Variants in SND1 observed in about 807,000 individuals in gnomAD.
The protein encoded by SND1 is staphylococcal nuclease and tudor domain containing 1.
A neutral mutation model predicts 121.7 loss-of-function variants in SND1; 38 were observed. The ratio of observed to expected loss-of-function variants is 0.31; its 90% confidence interval spans 0.24 to 0.41. The LOEUF (loss-of-function observed/expected upper bound fraction) is 0.41. SND1 is among the 10% of genes least tolerant of loss of function. The pLI is 1.00. For missense variants in SND1, 868 were observed against 1,184.6 expected (o/e 0.73, Z 3.92); for synonymous variants, 401 against 447.4 (o/e 0.90, Z 1.31).
chr7:128,037,915 T>G (rs1247349974), intron 16 of SND1, among the ~76,000 whole-genome samples: 2 of 152,248 alleles, frequency 1.3e-5, no homozygotes, highest in Admixed American at 6.5e-5. Flanking sequence ...CACTTAAGCG[T>G]TTACCAGTAG....
chr7:127,835,645 T>C lies in SND1; in HGVS notation c.1243-8679T>C, dbSNP rs191211472. On this transcript the variant is annotated intron_variant, in intron 11 of 23. Coordinates refer to ENST00000354725, the MANE Select transcript of SND1 (RefSeq NM_014390.4). Reference sequence around the variant, plus strand: ...GTGAGTTATGCCTGTGATAAAATAATGAGTAAGATAATGGAGCATTAGCAC... The same window carrying C: ...GTGAGTTATGCCTGTGATAAAATAACGAGTAAGATAATGGAGCATTAGCAC... Among the ~76,000 whole-genome samples, 79 of 148,724 alleles carry C rather than the reference T, an allele frequency of 5.3e-4. No individual in the cohort carries two copies. In the East Asian group the frequency reaches 0.011, roughly 21 times the overall value.
intron 15 of SND1, among the ~76,000 whole-genome samples, chr7:127,974,653 A>G (rs1051485739): frequency 6.6e-6 from 1 of 152,222 alleles, no homozygotes; most frequent in Non-Finnish European, 1.5e-5. Flanking sequence ...TGACTCAGGC[A>G]TGAACAGCTG....
chr7:127,656,426 G>A (rs144853709), intron 1 of SND1, among the ~76,000 whole-genome samples: 1 of 151,102 alleles, frequency 6.6e-6, no homozygotes, highest in Non-Finnish European at 1.5e-5. Flanking sequence ...GGGTTCAAGC[G>A]ATTCTCCTGC....
intron 15 of SND1, among the ~76,000 whole-genome samples, chr7:127,953,151 CGTGTGTGTGTGTGTGTGTGTGTGT>C (rs59825900): frequency 0.015 from 1,383 of 92,326 alleles, 24 homozygotes; most frequent in Admixed American, 0.038. Context: ...GTGACAAGAC[CGTGTGTGTGTGTGTGTGTGTGTGT>C]GTGTGTGTGT....
chr7:127,938,538 G>A (rs1267501730), intron 15 of SND1, among the ~76,000 whole-genome samples: 2 of 152,218 alleles, frequency 1.3e-5, no homozygotes, highest in Admixed American at 6.5e-5. Context: ...TTGAGTTTCC[G>A]AGAAGATCTG....
At chr7:127,751,291 T>C (rs184928757) in intron 10 of SND1, among the ~76,000 whole-genome samples, 24 of 152,292 alleles carry the variant, frequency 1.6e-4, no homozygotes, top group African/African-American at 5.5e-4. Context: ...TAGGGGGCTT[T>C]TGCAGATTTT....
rs138799870 is a variant in SND1, at chr7:128,074,579, C to T, written c.1857C>T (p.Ser619=). Residue 619 remains serine (S), a synonymous_variant, in exon 17 of 24, where the codon TCC becomes TCT. Transcript: ENST00000354725. ...GWLHIDGANL[S]VLLVEHALSK... Reference sequence around the variant, plus strand: ...TGCACATCGACGGTGCCAACCTGTCCGTCCTGCTGGTGGAGCACGCGCTCT... The same window carrying T: ...TGCACATCGACGGTGCCAACCTGTCTGTCCTGCTGGTGGAGCACGCGCTCT... 6.7e-4 allele frequency: 1,088 copies of T among 1,613,734 alleles called. 4 individuals are homozygous for T. Among genetic ancestry groups the T allele is most frequent in the Middle Eastern group, 2.0e-3 (12 of 6,062 alleles).
At chr7:127,820,208 A>G (rs565458380) in intron 11 of SND1, among the ~76,000 whole-genome samples, 43 of 152,276 alleles carry the variant, frequency 2.8e-4, no homozygotes, top group African/African-American at 8.7e-4. Context: ...GTGGTTCCCA[A>G]TGGTTTTCTC....
At chr7:127,999,717 CAG>C (rs1362467541) in intron 16 of SND1, 2 of 152,152 alleles carry the variant, frequency 1.3e-5, no homozygotes, top group African/African-American at 4.8e-5. Context: ...GTCCTTGAAA[CAG>C]AGCCTTGCCA....
chr7:128,033,107 G>C (rs558223650), intron 16 of SND1, among the ~76,000 whole-genome samples: 1 of 152,310 alleles, frequency 6.6e-6, no homozygotes, highest in East Asian at 1.9e-4. Flanking sequence ...CCTGCCCTGT[G>C]AGCTCGCCAG....
intron 16 of SND1, among the ~76,000 whole-genome samples, chr7:128,012,932 G>A (rs1051102881): frequency 1.3e-5 from 2 of 152,122 alleles, no homozygotes; most frequent in Non-Finnish European, 2.9e-5. Context: ...CCAAAGGTTC[G>A]CATGACACCC....
intron 10 of SND1, among the ~76,000 whole-genome samples, chr7:127,784,712 G>A (rs1395803602): frequency 1.3e-5 from 2 of 152,152 alleles, no homozygotes; most frequent in African/African-American, 2.4e-5. Flanking sequence ...TCTTGTGTAC[G>A]TAGTGAAAGT....
chr7:127,918,010 TTTA>T (rs1301167961), intron 14 of SND1, among the ~76,000 whole-genome samples: 1 of 152,148 alleles, frequency 6.6e-6, no homozygotes, highest in Non-Finnish European at 1.5e-5. Flanking sequence ...CCTTTAATAA[TTTA>T]CAAGTTTATC....
intron 10 of SND1, among the ~76,000 whole-genome samples, chr7:127,739,997 TC>T (rs1469538536): frequency 2.6e-5 from 4 of 152,186 alleles, no homozygotes; most frequent in Non-Finnish European, 5.9e-5. Flanking sequence ...TGTTCTCTTC[TC>T]CCCTTTCTTA....
Position 128,092,121 on chromosome 7 carries a change from G to A in SND1, c.*63G>A. ...CAGTCCCTCTTCCTCTGCCGGGAGG[G>A]TGTTTTCAACTCCAAACCCCAGAGA... On this transcript the variant is annotated 3_prime_UTR_variant, in exon 24 of 24. Coordinates refer to ENST00000354725, the MANE Select transcript of SND1 (RefSeq NM_014390.4). The surrounding 1 kb of genome is among the most constrained non-coding windows in gnomAD (Gnocchi z 4.9). The A allele has an allele frequency of 6.4e-7, 1 of 1,561,160 alleles. No homozygotes were observed. The highest frequency in any genetic ancestry group is 8.8e-7 in the Non-Finnish European group (1 of 1,133,592).
At chr7:127,718,851 T>C in intron 9 of SND1, 1 of 624,316 alleles carries the variant, frequency 1.6e-6, no homozygotes, top group Non-Finnish European at 2.0e-6. Flanking sequence ...GTCTTGATTA[T>C]AGGAATTTCC....
chr7:128,001,456 G>A (rs570244165), intron 16 of SND1, among the ~76,000 whole-genome samples: 5 of 152,250 alleles, frequency 3.3e-5, no homozygotes, highest in South Asian at 4.1e-4. Context: ...TAATATGAAC[G>A]CTATCCCTAG....
At chr7:127,773,336 C>T (rs1366929569) in intron 10 of SND1, among the ~76,000 whole-genome samples, 1 of 151,994 alleles carries the variant, frequency 6.6e-6, no homozygotes, top group Non-Finnish European at 1.5e-5. Flanking sequence ...CCTGTAGTCC[C>T]AGCTACTCAG....
Position 127,904,793 on chromosome 7 carries a change from A to C in SND1, c.1501A>C (p.Ile501Leu), listed in dbSNP as rs754374579. 9.3e-6 allele frequency: 15 copies of C among 1,611,544 alleles called. No homozygotes were observed. The highest frequency in any genetic ancestry group is 1.3e-5 in the Non-Finnish European group (15 of 1,177,736). Residue 501 changes from isoleucine to leucine, a missense_variant, in exon 14 of 24, where the codon ATC (isoleucine) becomes CTC (leucine). Around this residue, in one of 2 missense-constraint regions of SND1, gnomAD observed 743 missense variants for 1,071.3 expected, o/e 0.69. Coordinates refer to ENST00000354725, the MANE Select transcript of SND1 (RefSeq NM_014390.4). Reference sequence around the variant, plus strand: ...ATTGCATAGCAAGAAGGAAGTGCCTATCCACCGTGTTGCAGATATATCTGG... The same window carrying C: ...ATTGCATAGCAAGAAGGAAGTGCCTCTCCACCGTGTTGCAGATATATCTGG... The part of the protein sequence containing the change: ...KGLHSKKEVP[I>L]HRVADISGDT...
Sources: gnomAD v4.1 joint callset for allele counts (sites outside exome capture counted in the v4.1 genomes callset) on GRCh38, gnomAD v4.1.1 for gene constraint, gnomAD v4.1.1 regional missense constraint, Gnocchi (gnomAD v3.1) non-coding constraint, MANE v1.5 for transcripts, NCBI Gene and HGNC (gene_info 2026-07-23, HGNC 2026-07-21) for gene names.